The following USP34 variants were observed in gnomAD, a reference collection of about 807,000 sequenced individuals.
USP34 encodes the protein ubiquitin specific peptidase 34, also known as ubiquitin carboxyl-terminal hydrolase 34.
USP34 carries 70 observed loss-of-function variants against 460.3 expected under a neutral mutation model. That is an observed-to-expected ratio of 0.15 (90% CI 0.13 to 0.19). USP34 has a LOEUF of 0.19. USP34 is among the 10% of genes least tolerant of loss of function. The pLI, the probability that USP34 is intolerant of heterozygous loss-of-function variation, is 1.00. For missense variants in USP34, 3,985 were observed against 4,236.2 expected, an observed-to-expected ratio of 0.94 and a Z score of 1.65; for synonymous variants, 1,647 against 1,405.3, an observed-to-expected ratio of 1.17 and a Z score of -3.85.
chr2:61,288,296 T>C (rs1486840990), intron 34 of USP34, among the ~76,000 whole-genome samples: 1 of 152,212 alleles, frequency 6.6e-6, no homozygotes, highest in African/African-American at 2.4e-5. Flanking sequence ...TTATCTGGCT[T>C]ACCTCACCAC....
intron 1 of USP34, among the ~76,000 whole-genome samples, chr2:61,421,658 T>C (rs182381831): frequency 3.3e-4 from 51 of 152,342 alleles, no homozygotes; most frequent in Admixed American, 2.1e-3. Context: ...AAATCTTGCC[T>C]GGATCACTGT....
chr2:61,446,909 A>C (rs997626803), intron 1 of USP34, among the ~76,000 whole-genome samples: 1 of 152,088 alleles, frequency 6.6e-6, no homozygotes, highest in Non-Finnish European at 1.5e-5. Context: ...TGGTCCACTA[A>C]GTTATGTACA....
chr2:61,194,178 G>A, intron 75 of USP34: 2 of 985,364 alleles, frequency 2.0e-6, no homozygotes, highest in Non-Finnish European at 2.4e-6. Flanking sequence ...GGATGCCTAG[G>A]ATCCCTTCCA....
rs148503642 is a variant in USP34 at position 61,258,183 on chromosome 2, G to C, written c.5845-833C>G. ...AGCTTGGGGAACATAGTGAGACTCT[G>C]TCTCTACAAAAAATAAAGAAGATAG... On this transcript the variant is annotated intron_variant, in intron 44 of 79. Coordinates refer to ENST00000398571, the MANE Select transcript of USP34 (RefSeq NM_014709.4). Among the ~76,000 whole-genome samples, 957 of 152,140 alleles carry C rather than the reference G, an allele frequency of 6.3e-3. 8 individuals are homozygous for C. Among genetic ancestry groups the C allele is most frequent in the Non-Finnish European group, 0.011 (740 of 67,992 alleles).
At chr2:61,417,677 A>C (rs897594583) in intron 2 of USP34, among the ~76,000 whole-genome samples, 2 of 149,032 alleles carry the variant, frequency 1.3e-5, no homozygotes, top group African/African-American at 4.9e-5. Flanking sequence ...CAATGACTGT[A>C]TCATTTAAAT....
At chr2:61,344,054 G>C (rs1399074698) in intron 15 of USP34, 25 bp from the exon 16 acceptor site, 3 of 1,600,832 alleles carry the variant, frequency 1.9e-6, no homozygotes, top group Admixed American at 1.7e-5. Context: ...AAAGCACAAA[G>C]TTAGTAATTA....
At chr2:61,291,983 C>T (rs1029786993) in intron 33 of USP34, among the ~76,000 whole-genome samples, 2 of 151,986 alleles carry the variant, frequency 1.3e-5, no homozygotes, top group Non-Finnish European at 2.9e-5. Flanking sequence ...TGTATGGTTC[C>T]ATTTATAGGA....
chr2:61,304,753 G>A (rs868086860), intron 27 of USP34, among the ~76,000 whole-genome samples: 4 of 152,152 alleles, frequency 2.6e-5, no homozygotes, highest in Admixed American at 6.5e-5. Context: ...TATATAGCAC[G>A]CTGGATGGAC....
At position 61,470,769 on chromosome 2, in the gene USP34, A is replaced by T; in HGVS notation, c.-77T>A. On this transcript the variant is annotated 5_prime_UTR_variant, in exon 1 of 80. Coordinates refer to ENST00000398571, the MANE Select transcript of USP34 (RefSeq NM_014709.4). ...CCGACCGGCGGGGGGGAGGGGAGAG[A>T]GGCGGAGGAGGGGGCCGGCCGGCCG... The T allele has an allele frequency of 9.6e-7, 1 of 1,040,592 alleles. No homozygotes were observed. Among genetic ancestry groups the T allele is most frequent in the Non-Finnish European group, 1.3e-6 (1 of 776,900 alleles). 64.5% of individuals were successfully genotyped at this position (1,040,592 alleles called of 1,614,324 possible). A position where few individuals can be genotyped will look rare whatever the true frequency, so the allele number is the denominator to read the frequency against.
intron 57 of USP34, 38 bp from the exon 58 acceptor site, chr2:61,232,570 C>A (rs1687937565): frequency 1.3e-6 from 2 of 1,487,408 alleles, no homozygotes; most frequent in East Asian, 4.6e-5. Context: ...TAACATTCAA[C>A]AAATATTTGT....
At chr2:61,320,244 G>A (rs189788341) in intron 21 of USP34, among the ~76,000 whole-genome samples, 101 of 152,290 alleles carry the variant, frequency 6.6e-4, no homozygotes, top group Non-Finnish European at 1.5e-4. Flanking sequence ...TGGCCAAATC[G>A]TATCCCAGCA....
chr2:61,403,503 C>T (rs1693780223), intron 3 of USP34, among the ~76,000 whole-genome samples: 2 of 152,028 alleles, frequency 1.3e-5, no homozygotes, highest in African/African-American at 4.8e-5. Context: ...TCAAGTTTGC[C>T]TGATGGGACT....
intron 76 of USP34, among the ~76,000 whole-genome samples, chr2:61,192,215 C>T (rs118095913): frequency 6.6e-6 from 1 of 152,328 alleles, no homozygotes; most frequent in East Asian, 1.9e-4. Flanking sequence ...AGAGCAGATG[C>T]AACCAGGCAG....
chr2:61,243,753 C>T (rs1227365132), intron 51 of USP34, among the ~76,000 whole-genome samples: 1 of 151,718 alleles, frequency 6.6e-6, no homozygotes, highest in Non-Finnish European at 1.5e-5. Flanking sequence ...TGCCTGTAAT[C>T]CCAGCTATTC....
At chr2:61,443,874 G>A (rs1695037688) in intron 1 of USP34, among the ~76,000 whole-genome samples, 1 of 152,180 alleles carries the variant, frequency 6.6e-6, no homozygotes, top group African/African-American at 2.4e-5. Context: ...TCTGGTGTCA[G>A]ATGTTGATAA....
chr2:61,416,691 T>C (rs976231237), intron 2 of USP34, among the ~76,000 whole-genome samples: 1 of 152,312 alleles, frequency 6.6e-6, no homozygotes, highest in African/African-American at 2.4e-5. Context: ...GAATTTATTC[T>C]CCTATTCCTT....
At chr2:61,265,828 A>C in intron 42 of USP34, 156 bp downstream of exon 42, 3 of 794,820 alleles carry the variant, frequency 3.8e-6, no homozygotes, top group Non-Finnish European at 5.2e-6. Flanking sequence ...GGTCCTTCAC[A>C]TCAATGTTTA....
intron 1 of USP34, among the ~76,000 whole-genome samples, chr2:61,438,181 T>C (rs1694868411): frequency 6.6e-6 from 1 of 152,158 alleles, no homozygotes. Context: ...AACCCAGGAA[T>C]ACAAGGATAA....
chr2:61,247,305 A>G (rs1688442983), intron 49 of USP34, among the ~76,000 whole-genome samples: 1 of 152,216 alleles, frequency 6.6e-6, no homozygotes, highest in Non-Finnish European at 1.5e-5. Context: ...TGGAACATGA[A>G]GAGATAATTA....
Sources: gnomAD v4.1 joint callset for allele counts (sites outside exome capture counted in the v4.1 genomes callset) on GRCh38, gnomAD v4.1.1 for gene constraint, MANE v1.5 for transcripts, NCBI Gene and HGNC (gene_info 2026-07-23, HGNC 2026-07-21) for gene names.